Variants in PRORP observed in about 807,000 individuals in gnomAD.
The protein encoded by PRORP is mitochondrial ribonuclease P catalytic subunit.
Under a neutral mutation model 59.4 loss-of-function variants are expected in PRORP, and 51 were observed. The ratio of observed to expected loss-of-function variants is 0.86; its 90% CI spans 0.69 to 1.08. PRORP has a LOEUF of 1.08. PRORP is among the 50% of genes least tolerant of loss of function. The pLI is 0.00. For missense variants in PRORP, 646 were observed against 690.3 expected (o/e 0.94, Z 0.72); for synonymous variants, 231 against 245.6 (o/e 0.94, Z 0.55).
At chr14:35,178,135 C>G (rs1260540524) in intron 4 of PRORP, among the ~76,000 whole-genome samples, 2 of 152,100 alleles carry the variant, frequency 1.3e-5, no homozygotes, top group African/African-American at 4.8e-5. Context: ...TGTTCTTTTA[C>G]ATTTGCTGAG....
intron 4 of PRORP, among the ~76,000 whole-genome samples, chr14:35,167,701 G>T (rs576130697): frequency 1.3e-5 from 2 of 152,182 alleles, no homozygotes; most frequent in East Asian, 1.9e-4. Context: ...ATTTTTGTTC[G>T]CATGTTAAGA....
At position 35,210,668 on chromosome 14, in the gene PRORP, ATAAAT is replaced by A. The variant is rs201008827; in HGVS notation, c.1275+29895_1275+29899del. On this transcript the variant is annotated intron_variant, in intron 5 of 7. Coordinates refer to ENST00000534898, the MANE Select transcript of PRORP (RefSeq NM_014672.4). ...GTCACCAAATTTAGATACTAGATAA[ATAAAT>A]TAATTTAGATATCGGGAATACTAAG... is the stretch of plus-strand genomic sequence containing the variant. 5.9e-3 allele frequency among the ~76,000 whole-genome samples: 885 copies of A among 151,152 alleles called. 10 individuals carry two copies. The highest frequency in any genetic ancestry group is 0.017 in the African/African-American group (700 of 41,170).
chr14:35,135,216 C>T (rs183423072), intron 4 of PRORP, among the ~76,000 whole-genome samples: 3 of 152,290 alleles, frequency 2.0e-5, no homozygotes, highest in East Asian at 1.9e-4. Flanking sequence ...TCTTCAGTGC[C>T]TCTTTCAGTG....
chr14:35,259,083 A>G (rs771268057), intron 5 of PRORP, among the ~76,000 whole-genome samples: 5 of 151,966 alleles, frequency 3.3e-5, no homozygotes, highest in African/African-American at 4.8e-5. Flanking sequence ...AGATTTGGCT[A>G]TTTCTCCTCC....
intron 5 of PRORP, among the ~76,000 whole-genome samples, chr14:35,247,256 A>G (rs2050509387): frequency 6.6e-6 from 1 of 152,146 alleles, no homozygotes; most frequent in Non-Finnish European, 1.5e-5. Context: ...GCAGAGCTGC[A>G]TAGATTGCTT....
intron 5 of PRORP, among the ~76,000 whole-genome samples, chr14:35,188,961 A>AAAAAAAAGAAAGAAAG (rs1555326788): frequency 2.3e-5 from 3 of 132,770 alleles, no homozygotes; most frequent in Non-Finnish European, 1.6e-5. Flanking sequence ...AAAAAAAAAA[A>AAAAAAAAGAAAGAAAG]AAAGTATTGC....
intron 4 of PRORP, among the ~76,000 whole-genome samples, chr14:35,151,980 AGGGG>A (rs1297875910): frequency 7.8e-6 from 1 of 129,032 alleles, no homozygotes; most frequent in African/African-American, 3.0e-5. Flanking sequence ...TTTCTCGCAG[AGGGG>A]GATTTGGCAG....
At chr14:35,213,821 A>G (rs1361906243) in intron 5 of PRORP, among the ~76,000 whole-genome samples, 1 of 152,210 alleles carries the variant, frequency 6.6e-6, no homozygotes, top group African/African-American at 2.4e-5. Flanking sequence ...ACAGATCACT[A>G]TGACAGATAT....
chr14:35,172,167 G>A (rs1310443064), intron 4 of PRORP, among the ~76,000 whole-genome samples: 2 of 150,772 alleles, frequency 1.3e-5, no homozygotes, highest in South Asian at 2.1e-4. Flanking sequence ...TCCTGCCTCA[G>A]CCTCCCAAGT....
Position 35,274,512 on chromosome 14 carries a change from G to C in PRORP, c.*946G>C, listed in dbSNP as rs2051271401. Reference sequence around the variant, plus strand: ...AAAATTTAAAAATTAGCCAGGCATGGTAGTTTGCACACATAGTCCCAGCTA... The same window carrying C: ...AAAATTTAAAAATTAGCCAGGCATGCTAGTTTGCACACATAGTCCCAGCTA... On this transcript the variant is annotated 3_prime_UTR_variant, in exon 8 of 8. Coordinates refer to ENST00000534898, the MANE Select transcript of PRORP (RefSeq NM_014672.4). The C allele has an allele frequency of 6.6e-6, 1 of 152,128 alleles. No homozygotes were observed. The highest frequency in any genetic ancestry group is 1.5e-5 in the Non-Finnish European group (1 of 68,036). The allele number at this position is 152,128 out of a possible 1,614,324, so 9.4% of individuals were successfully genotyped here.
chr14:35,260,076 A>C (rs1043463381), intron 5 of PRORP, among the ~76,000 whole-genome samples: 4 of 132,134 alleles, frequency 3.0e-5, no homozygotes, highest in African/African-American at 1.2e-4. Context: ...CAGTGGCACT[A>C]TCATAGCTCA....
intron 5 of PRORP, among the ~76,000 whole-genome samples, chr14:35,234,225 T>C (rs191171851): frequency 1.7e-4 from 26 of 152,292 alleles, no homozygotes; most frequent in Middle Eastern, 3.4e-3. Context: ...GGTTTAGAGA[T>C]TGTGCAATTA....
chr14:35,215,436 T>A (rs758860439), intron 5 of PRORP, among the ~76,000 whole-genome samples: 3 of 151,992 alleles, frequency 2.0e-5, no homozygotes, highest in Non-Finnish European at 4.4e-5. Context: ...GACACTTAAG[T>A]AAGTTTCAAA....
chr14:35,212,239 A>G (rs545620840), intron 5 of PRORP, among the ~76,000 whole-genome samples: 4 of 152,284 alleles, frequency 2.6e-5, no homozygotes, highest in Non-Finnish European at 2.9e-5. Flanking sequence ...CAAGCCATCC[A>G]TGAGTATTGG....
intron 5 of PRORP, among the ~76,000 whole-genome samples, chr14:35,217,541 A>G (rs2049637146): frequency 6.6e-6 from 1 of 151,628 alleles, no homozygotes; most frequent in South Asian, 2.1e-4. Context: ...TGTTTAATCC[A>G]AAGTAACAAT....
In PRORP at chr14:35,180,692, T is replaced by C. The variant is rs778289900; in HGVS notation, c.1190T>C (p.Phe397Ser). ...TAGGAACTTAAGAGATTTGAGAACT[T>C]CATAAAATCTCGTCCTCCTTTTGAT... The part of the protein sequence containing the change: ...TPQELKRFEN[F>S]IKSRPPFDVV... Residue 397 changes from phenylalanine (F) to serine (S), a missense_variant, in exon 5 of 8, where the codon TTC becomes TCC. Physicochemically the swap from Phe to Ser is radical, Grantham distance 155. Transcript: ENST00000534898. The C allele has an allele frequency of 6.2e-7, 1 of 1,611,054 alleles. No homozygotes were observed. The highest frequency in any genetic ancestry group is 8.5e-7 in the Non-Finnish European group (1 of 1,177,638).
intron 5 of PRORP, among the ~76,000 whole-genome samples, chr14:35,192,521 T>C (rs188413586): frequency 2.0e-5 from 3 of 152,354 alleles, no homozygotes; most frequent in African/African-American, 7.2e-5. Context: ...CCATTTATCC[T>C]AGAATGATCA....
chr14:35,190,068 A>G (rs2048845012), intron 5 of PRORP, among the ~76,000 whole-genome samples: 1 of 148,426 alleles, frequency 6.7e-6, no homozygotes, highest in African/African-American at 2.5e-5. Flanking sequence ...AGATTGCGCC[A>G]CTGCACTCCA....
At chr14:35,184,091 A>G (rs555200392) in intron 5 of PRORP, among the ~76,000 whole-genome samples, 1 of 151,970 alleles carries the variant, frequency 6.6e-6, no homozygotes, top group African/African-American at 2.4e-5. Context: ...ATTATACATT[A>G]CACATTTTTC....
Sources: gnomAD v4.1 joint callset for allele counts (sites outside exome capture counted in the v4.1 genomes callset) on GRCh38, gnomAD v4.1.1 for gene constraint, MANE v1.5 for transcripts, NCBI Gene and HGNC (gene_info 2026-07-23, HGNC 2026-07-21) for gene names.